The following TRRAP variants were observed in gnomAD, a reference collection of about 807,000 sequenced individuals.
The protein encoded by TRRAP is transformation/transcription domain-associated protein.
In TRRAP, 41 loss-of-function variants were observed where a neutral mutation model predicts 438.8. The observed-to-expected ratio is 0.09, with a 90% confidence interval of 0.07 to 0.12. TRRAP has a LOEUF of 0.12. TRRAP is among the 10% of genes least tolerant of loss of function. TRRAP has a pLI of 1.00. For synonymous variants in TRRAP, 1,994 were observed against 1,962.9 expected, an observed-to-expected ratio of 1.02 and a Z score of -0.42; for missense variants, 3,122 against 5,055.1, an observed-to-expected ratio of 0.62 and a Z score of 11.60.
chr7:98,973,292 C>G (rs747365666), intron 53 of TRRAP, among the ~76,000 whole-genome samples: 1 of 152,116 alleles, frequency 6.6e-6, no homozygotes, highest in African/African-American at 2.4e-5. Context: ...ACTGCCGCCA[C>G]CACCAGAAAA....
At chr7:98,888,791 C>T (rs1162195105) in intron 3 of TRRAP, among the ~76,000 whole-genome samples, 1 of 152,062 alleles carries the variant, frequency 6.6e-6, no homozygotes, top group African/African-American at 2.4e-5. Flanking sequence ...GTTATATGTT[C>T]CCTTAGTTGT....
At chr7:98,940,549 G>A (rs1165253377) in intron 30 of TRRAP, among the ~76,000 whole-genome samples, 2 of 152,106 alleles carry the variant, frequency 1.3e-5, no homozygotes, top group African/African-American at 2.4e-5. Context: ...AGTGCAGTAC[G>A]AAGACAGCTG....
At chr7:98,888,604 T>C (rs1199615829) in intron 3 of TRRAP, among the ~76,000 whole-genome samples, 1 of 152,240 alleles carries the variant, frequency 6.6e-6, no homozygotes, top group Non-Finnish European at 1.5e-5. Flanking sequence ...ACTCTGTTGA[T>C]ATGCCTTTTA....
rs1554414576 is a variant in TRRAP at position 98,937,639 on chromosome 7, T to C, written c.4234-11T>C. The stretch of plus-strand genomic sequence containing the variant: ...TGTCTATTTTTCTTTACAACTTTTC[T>C]TTTTTAATAGTTTTTAGAAGGTGCT... On this transcript the variant is annotated splice_polypyrimidine_tract_variant and intron_variant, in intron 29 of 72. Transcript: ENST00000456197. 2.5e-6 allele frequency: 4 copies of C among 1,591,254 alleles called. No individual in the cohort carries two copies. The highest frequency in any genetic ancestry group is 2.6e-6 in the Non-Finnish European group (3 of 1,171,740).
intron 58 of TRRAP, among the ~76,000 whole-genome samples, chr7:98,980,463 C>T (rs893345813): frequency 6.6e-6 from 1 of 150,820 alleles, no homozygotes; most frequent in African/African-American, 2.5e-5. Context: ...GTGAGGCGTT[C>T]CAGTGCTTTC....
rs200564450 is a variant in TRRAP at position 98,976,214 on chromosome 7, G to A, written c.7905G>A (p.Thr2635=). The part of the protein sequence containing the change: ...CHISTTLAEK[T]WVQLFPRLWK... ...TTTCCACGACGCTGGCAGAGAAGAC[G>A]TGGGTCCAGCTTTTCCCCAGATTGT... The change falls in exon 54 of 73, where the codon ACG becomes ACA. Residue 2635 remains threonine, a synonymous_variant. Coordinates refer to ENST00000456197, the MANE Select transcript of TRRAP (RefSeq NM_001375524.1). The surrounding 1 kb of genome is among the most constrained non-coding windows in gnomAD (Gnocchi z 4.6). 1.6e-5 allele frequency: 26 copies of A among 1,614,190 alleles called. No homozygotes were observed. The highest frequency in any genetic ancestry group is 1.1e-4 in the East Asian group (5 of 44,888).
chr7:98,902,983 G>T (rs1796542149), intron 11 of TRRAP, among the ~76,000 whole-genome samples: 1 of 151,846 alleles, frequency 6.6e-6, no homozygotes, highest in Non-Finnish European at 1.5e-5. Context: ...TGGGAGGATG[G>T]CGTGAGCCCA....
rs1184671688 is a variant in TRRAP, at chr7:98,985,083, A to C, written c.9389+39A>C. On this transcript the variant is annotated intron_variant, in intron 62 of 72. Coordinates refer to ENST00000456197, the MANE Select transcript of TRRAP (RefSeq NM_001375524.1). ...ATTGAAAGGATAAGAGAAAAAATGC[A>C]TCAGATTATTTAAAGTTATTTATAA... 9 of 1,393,934 alleles carry C rather than the reference A, an allele frequency of 6.5e-6. No individual in the cohort carries two copies. The African/African-American group carries it at 1.2e-4, about 18-fold the overall frequency. The allele number at this position is 1,393,934 out of a possible 1,614,324, so 86.3% of individuals were successfully genotyped here. A position where few individuals can be genotyped will look rare whatever the true frequency, so the allele number is the denominator to read the frequency against.
chr7:98,976,984 G>A lies in TRRAP; in HGVS notation c.8293G>A (p.Glu2765Lys). ...LAELYSLLQE[E>K]DMWAGLWQKR... Reference sequence around the variant, plus strand: ...GGAGCTTTACTCCCTGTTACAAGAGGAAGATATGTGGGCTGGTCTGTGGCA... The same window carrying A: ...GGAGCTTTACTCCCTGTTACAAGAGAAAGATATGTGGGCTGGTCTGTGGCA... The change falls in exon 56 of 73, where the codon GAA becomes AAA. Residue 2765 changes from glutamate (E) to lysine (K), a missense_variant. Glu to Lys is a moderately conservative substitution (Grantham distance 56, BLOSUM62 1). Transcript: ENST00000456197. The surrounding 1 kb of genome is among the most constrained non-coding windows in gnomAD (Gnocchi z 4.6). 2 of 1,614,208 alleles carry A rather than the reference G, an allele frequency of 1.2e-6. No homozygotes were observed. The highest frequency in any genetic ancestry group is 1.7e-6 in the Non-Finnish European group (2 of 1,180,044).
intron 65 of TRRAP, among the ~76,000 whole-genome samples, chr7:98,992,560 CGT>C (rs72517544): frequency 0.13 from 19,507 of 149,044 alleles, 1,317 homozygotes; most frequent in East Asian, 0.25. Context: ...TGCCAGCTGC[CGT>C]GTGTGTGTGT....
At chr7:98,881,022 A>T in intron 1 of TRRAP, 68 bp from the exon 2 acceptor site, 1 of 602,294 alleles carries the variant, frequency 1.7e-6, no homozygotes, top group Non-Finnish European at 2.7e-6. Context: ...GCCTTTAGGT[A>T]AGATTTTCAC....
chr7:98,897,674 T>C, intron 7 of TRRAP, 67 bp from the exon 8 acceptor site: 1 of 1,430,222 alleles, frequency 7.0e-7, no homozygotes, highest in Non-Finnish European at 9.2e-7. Context: ...TTGTTTTGTT[T>C]TGTTTTGTTT....
chr7:98,883,729 G>A (rs1385599410), intron 3 of TRRAP, among the ~76,000 whole-genome samples: 1 of 152,140 alleles, frequency 6.6e-6, no homozygotes, highest in African/African-American at 2.4e-5. Flanking sequence ...GCCCAGGCTG[G>A]TCTCAAACTC....
chr7:98,884,477 C>T (rs1554403635), intron 3 of TRRAP, among the ~76,000 whole-genome samples: 1 of 152,080 alleles, frequency 6.6e-6, no homozygotes. Flanking sequence ...TTAAGCGATC[C>T]ACCCACCTCA....
At chr7:98,943,132 T>C in intron 31 of TRRAP, 115 bp downstream of exon 31, 1 of 1,036,010 alleles carries the variant, frequency 9.7e-7, no homozygotes, top group Middle Eastern at 2.8e-4. Context: ...GACGTGATTG[T>C]AGTCCTTGTA....
At position 98,976,352 on chromosome 7, in the gene TRRAP, A is replaced by G; in HGVS notation, c.7959+84A>G. 1 of 1,581,114 alleles carries G rather than the reference A, an allele frequency of 6.3e-7. No individual in the cohort carries two copies. On this transcript the variant is annotated intron_variant, in intron 54 of 72. Transcript: ENST00000456197. This position sits in a 1 kb window ranked among gnomAD's most constrained non-coding sequence, Gnocchi z 4.6. The stretch of plus-strand genomic sequence containing the variant: ...TTCATAAAAGAACACAGTCTCGAAC[A>G]AGTTTCAGAAAATGAGGGAACCGCT...
chr7:98,925,198 C>T lies in TRRAP; in HGVS notation c.2910C>T (p.Phe970=). ...RRQAWEVIKC[F]LVAMMSLEDN... ...AGGCGTGGGAAGTGATCAAATGCTT[C>T]CTGGTGGCCATGATGAGCCTGGAGG... The change falls in exon 22 of 73, where the codon TTC becomes TTT. Residue 970 remains phenylalanine (F), a synonymous_variant. Coordinates refer to ENST00000456197, the MANE Select transcript of TRRAP (RefSeq NM_001375524.1). 1 of 1,614,190 alleles carries T rather than the reference C, an allele frequency of 6.2e-7. No individual in the cohort carries two copies. The highest frequency in any genetic ancestry group is 8.5e-7 in the Non-Finnish European group (1 of 1,180,038).
chr7:98,974,083 G>A (rs1362161690), intron 53 of TRRAP, among the ~76,000 whole-genome samples: 2 of 152,334 alleles, frequency 1.3e-5, no homozygotes, highest in African/African-American at 4.8e-5. Context: ...CCTCAGTAGG[G>A]TGTATGTTCT....
intron 21 of TRRAP, among the ~76,000 whole-genome samples, 165 bp from the exon 22 acceptor site, chr7:98,924,947 T>G (rs909547333): frequency 6.1e-5 from 9 of 148,292 alleles, no homozygotes; most frequent in Admixed American, 2.8e-4. Flanking sequence ...GAGCTTGCAG[T>G]GACCTGAGAT....
Sources: allele counts gnomAD v4.1 joint callset (sites outside exome capture counted in the v4.1 genomes callset), GRCh38; gene constraint gnomAD v4.1.1; non-coding constraint Gnocchi (gnomAD v3.1); transcripts MANE v1.5; gene names NCBI Gene and HGNC (gene_info 2026-07-23, HGNC 2026-07-21).